SPIDR: variants seen among roughly 807,000 people sequenced by gnomAD.
The protein encoded by SPIDR is DNA repair-scaffolding protein.
In SPIDR, 93 loss-of-function variants were observed where a neutral mutation model predicts 104.6. That is an observed-to-expected ratio of 0.89 (90% CI 0.75 to 1.06). The LOEUF (loss-of-function observed/expected upper bound fraction) is 1.06, where lower values mean the gene tolerates loss of function less well. SPIDR is among the 50% of genes least tolerant of loss of function. The pLI is 0.00. For missense variants in SPIDR, 1,154 were observed against 1,111.2 expected (o/e 1.04, Z -0.55); for synonymous variants, 431 against 416.9 (o/e 1.03, Z -0.41).
At chr8:47,286,125 T>A (rs2038797033) in intron 3 of SPIDR, among the ~76,000 whole-genome samples, 1 of 152,140 alleles carries the variant, frequency 6.6e-6, no homozygotes, top group African/African-American at 2.4e-5. Flanking sequence ...GTCTTTTAAA[T>A]TAGATGGTAC....
In SPIDR at chr8:47,572,777, A is replaced by G. The variant is rs190308283; in HGVS notation, c.1098-23034A>G. 1.6e-3 allele frequency among the ~76,000 whole-genome samples: 249 copies of G among 152,284 alleles called. 1 individual carries two copies. Among genetic ancestry groups the G allele is most frequent in the African/African-American group, 5.8e-3 (241 of 41,574 alleles). On this transcript the variant is annotated intron_variant, in intron 8 of 19. Coordinates refer to ENST00000297423, the MANE Select transcript of SPIDR (RefSeq NM_001080394.4). ...TGCAATTGAGAAACATTTTTGAGAC[A>G]GAAATAAAAGATGAAAAAGGCTTCC...
intron 16 of SPIDR, among the ~76,000 whole-genome samples, chr8:47,716,768 G>A (rs1366239402): frequency 6.6e-6 from 1 of 152,124 alleles, no homozygotes. Context: ...GTAAGAGCAG[G>A]TGGAAGGGCA....
chr8:47,691,629 A>G (rs894287793), intron 11 of SPIDR, among the ~76,000 whole-genome samples: 1 of 152,234 alleles, frequency 6.6e-6, no homozygotes, highest in African/African-American at 2.4e-5. Flanking sequence ...GTGGAAACCC[A>G]AGGAAGTATT....
At chr8:47,289,567 T>C (rs2039520104) in intron 3 of SPIDR, among the ~76,000 whole-genome samples, 1 of 152,130 alleles carries the variant, frequency 6.6e-6, no homozygotes, top group Non-Finnish European at 1.5e-5. Context: ...TCTGTCAGGT[T>C]TTCCACCTAT....
chr8:47,318,129 G>C (rs2045782112), intron 5 of SPIDR, among the ~76,000 whole-genome samples: 2 of 152,104 alleles, frequency 1.3e-5, no homozygotes, highest in African/African-American at 4.8e-5. Context: ...GAAGGCTTCA[G>C]ACGATCAAAC....
intron 6 of SPIDR, 87 bp downstream of exon 6, chr8:47,396,713 T>C (rs1563842214): frequency 7.4e-7 from 1 of 1,350,184 alleles, no homozygotes; most frequent in Admixed American, 2.3e-5. Flanking sequence ...TTTAAGATAC[T>C]TGTATATGAA....
At chr8:47,611,296 C>G (rs1307772893) in intron 10 of SPIDR, among the ~76,000 whole-genome samples, 2 of 152,126 alleles carry the variant, frequency 1.3e-5, no homozygotes, top group Non-Finnish European at 1.5e-5. Context: ...GAACCAAGGT[C>G]CCTGAAGAAT....
intron 5 of SPIDR, among the ~76,000 whole-genome samples, chr8:47,304,356 T>A (rs372890948): frequency 3.9e-5 from 6 of 152,106 alleles, no homozygotes; most frequent in Non-Finnish European, 4.4e-5. Flanking sequence ...TGAGTTCTTA[T>A]GTGAGCTGAT....
intron 6 of SPIDR, among the ~76,000 whole-genome samples, chr8:47,402,462 T>G (rs1435751651): frequency 2.6e-5 from 4 of 151,976 alleles, no homozygotes; most frequent in African/African-American, 7.3e-5. Context: ...CTAGCAGGAC[T>G]AATAAAGAAG....
intron 5 of SPIDR, among the ~76,000 whole-genome samples, chr8:47,334,432 A>G (rs2049320483): frequency 6.6e-6 from 1 of 152,192 alleles, no homozygotes. Context: ...ACTTTATGTT[A>G]ACACTCTGTT....
chr8:47,398,667 C>T (rs760425557), intron 6 of SPIDR, among the ~76,000 whole-genome samples: 2 of 152,120 alleles, frequency 1.3e-5, no homozygotes, highest in African/African-American at 4.8e-5. Context: ...CTGCAGTCCA[C>T]GGGCAGGCCT....
intron 5 of SPIDR, among the ~76,000 whole-genome samples, chr8:47,381,406 T>A (rs2059310241): frequency 6.6e-6 from 1 of 152,190 alleles, no homozygotes; most frequent in African/African-American, 2.4e-5. Flanking sequence ...GCATTTTTGT[T>A]GTTGCTCTTA....
intron 8 of SPIDR, among the ~76,000 whole-genome samples, chr8:47,515,900 C>G (rs1211834343): frequency 6.6e-6 from 1 of 152,194 alleles, no homozygotes; most frequent in Non-Finnish European, 1.5e-5. Context: ...AACCTCCACT[C>G]CCGGGTTCAA....
chr8:47,409,212 T>C (rs1293141690), intron 7 of SPIDR, among the ~76,000 whole-genome samples: 1 of 151,862 alleles, frequency 6.6e-6, no homozygotes, highest in Non-Finnish European at 1.5e-5. Context: ...AATGAAATAC[T>C]TAGGAATAAA....
chr8:47,511,854 C>A, intron 8 of SPIDR: 1 of 847,840 alleles, frequency 1.2e-6, no homozygotes, highest in East Asian at 2.4e-5. Flanking sequence ...TCTCTGAGGC[C>A]CCGGCATAAA....
chr8:47,299,768 T>C (rs1348966877), intron 5 of SPIDR, among the ~76,000 whole-genome samples: 2 of 152,254 alleles, frequency 1.3e-5, no homozygotes, highest in African/African-American at 4.8e-5. Context: ...GATTTCTGTA[T>C]GTTGAACCAG....
chr8:47,616,343 C>G (rs2064310660), intron 10 of SPIDR, among the ~76,000 whole-genome samples: 1 of 152,092 alleles, frequency 6.6e-6, no homozygotes. Flanking sequence ...CCTTCTTTTC[C>G]TGCTTTGTTG....
intron 8 of SPIDR, among the ~76,000 whole-genome samples, chr8:47,582,810 AAAC>A (rs1001219895): frequency 4.0e-5 from 6 of 149,254 alleles, no homozygotes; most frequent in African/African-American, 7.5e-5. Flanking sequence ...AGACTCCATT[AAAC>A]AACAACAACA....
intron 10 of SPIDR, among the ~76,000 whole-genome samples, chr8:47,654,418 A>G (rs952242465): frequency 3.3e-5 from 5 of 152,172 alleles, no homozygotes; most frequent in Non-Finnish European, 5.9e-5. Context: ...AGGTTTTGAG[A>G]CTCAGTGACT....
Sources: allele counts gnomAD v4.1 joint callset (sites outside exome capture counted in the v4.1 genomes callset), GRCh38; gene constraint gnomAD v4.1.1; transcripts MANE v1.5; gene names NCBI Gene and HGNC (gene_info 2026-07-23, HGNC 2026-07-21).